The following EIF5B variants were observed in gnomAD, a reference collection of about 807,000 sequenced individuals.
EIF5B encodes eIF-5B.
A neutral mutation model predicts 147.5 loss-of-function variants in EIF5B; 47 were observed. That is an observed-to-expected ratio of 0.32 (90% CI 0.25 to 0.41). The LOEUF is 0.41. EIF5B is among the 10% of genes least tolerant of loss of function. EIF5B has a pLI of 1.00. For missense variants in EIF5B, 1,064 were observed against 1,413.2 expected (o/e 0.75, Z 3.96); for synonymous variants, 455 against 456.2 (o/e 1.00, Z 0.03).
intron 17 of EIF5B, among the ~76,000 whole-genome samples, chr2:99,391,884 A>T (rs1674944703): frequency 6.6e-6 from 1 of 151,726 alleles, no homozygotes; most frequent in Admixed American, 6.6e-5. Flanking sequence ...GGTACGCACC[A>T]CCACACCTGG....
In EIF5B at chr2:99,360,310, C is replaced by G; in HGVS notation, c.110C>G (p.Pro37Arg). ...GCTGGTGCTGCCAAAGAACAGGAGC[C>G]TCAAAAGTCAAAAGGGAAAAAGAAA... ...EGAGAAKEQEPQKSKGKKKKE... is the reference protein window; with the variant it reads ...EGAGAAKEQERQKSKGKKKKE... Residue 37 changes from proline to arginine, a missense_variant, in exon 2 of 24, where the codon CCT becomes CGT. Around this residue, in one of 4 missense-constraint regions of EIF5B, gnomAD observed 458 missense variants for 451.3 expected, o/e 1.01. Transcript: ENST00000289371. 2 of 1,611,154 alleles carry G rather than the reference C, an allele frequency of 1.2e-6. No individual in the cohort carries two copies. The highest frequency in any genetic ancestry group is 2.2e-5 in the South Asian group (2 of 90,218).
chr2:99,352,033 G>A (rs545667023), intron 1 of EIF5B, among the ~76,000 whole-genome samples: 2 of 152,074 alleles, frequency 1.3e-5, no homozygotes, highest in Non-Finnish European at 2.9e-5. Flanking sequence ...TTCCTTATTA[G>A]TGATAACATC....
At chr2:99,357,434 TTAAG>T (rs1265187151) in intron 1 of EIF5B, among the ~76,000 whole-genome samples, 1 of 152,222 alleles carries the variant, frequency 6.6e-6, no homozygotes, top group Non-Finnish European at 1.5e-5. Flanking sequence ...GTTATGAATA[TTAAG>T]TGACAGTGTA....
At chr2:99,372,993 C>T (rs1674484833) in intron 9 of EIF5B, among the ~76,000 whole-genome samples, 2 of 151,888 alleles carry the variant, frequency 1.3e-5, no homozygotes, top group African/African-American at 4.8e-5. Context: ...TTGTCTATTT[C>T]TCCTGAGTTC....
At chr2:99,376,726 C>T in intron 10 of EIF5B, 90 bp downstream of exon 10, 2 of 1,463,664 alleles carry the variant, frequency 1.4e-6, no homozygotes, top group Non-Finnish European at 1.8e-6. Flanking sequence ...TTGAACAGCA[C>T]TTTATGTATT....
chr2:99,378,871 A>T, intron 10 of EIF5B, 148 bp from the exon 11 acceptor site: 1 of 586,998 alleles, frequency 1.7e-6, no homozygotes, highest in Non-Finnish European at 2.8e-6. Context: ...TAAAGTTCAC[A>T]TTATAAATTC....
chr2:99,345,690 ATCC>A (rs772855659), intron 1 of EIF5B, among the ~76,000 whole-genome samples: 10 of 151,970 alleles, frequency 6.6e-5, no homozygotes, highest in Non-Finnish European at 1.5e-4. Flanking sequence ...CATGTCTGTA[ATCC>A]CAGCACTTTG....
chr2:99,340,478 T>A (rs2094257132), intron 1 of EIF5B, among the ~76,000 whole-genome samples: 1 of 152,222 alleles, frequency 6.6e-6, no homozygotes, highest in African/African-American at 2.4e-5. Context: ...AGGTGTGAAC[T>A]GTGTGAGAAA....
intron 6 of EIF5B, among the ~76,000 whole-genome samples, chr2:99,366,444 G>GT (rs1426857881): frequency 1.3e-5 from 2 of 151,990 alleles, no homozygotes; most frequent in Non-Finnish European, 2.9e-5. Context: ...TCTTTCTTTG[G>GT]TTTGTTTAAT....
Position 99,401,027 on chromosome 2 carries a change from A to AAAT in EIF5B, c.*1615_*1617dup, listed in dbSNP as rs1440401475. The AAAT allele has an allele frequency of 2.9e-6, 1 of 347,530 alleles. No homozygotes were observed. Among genetic ancestry groups the AAAT allele is most frequent in the African/African-American group, 2.1e-5 (1 of 48,428 alleles). 21.5% of individuals were successfully genotyped at this position (347,530 alleles called of 1,614,324 possible). A position where few individuals can be genotyped will look rare whatever the true frequency, so the allele number is the denominator to read the frequency against. ...AAAACTTTATAAACAAACATTTTGT[A>AAAT]AATAGAATCTATGCTACAGTAAAAT... On this transcript the variant is annotated 3_prime_UTR_variant, in exon 24 of 24. Coordinates refer to ENST00000289371, the MANE Select transcript of EIF5B (RefSeq NM_015904.4).
intron 14 of EIF5B, among the ~76,000 whole-genome samples, chr2:99,386,142 C>G (rs942519263): frequency 2.2e-4 from 33 of 152,188 alleles, no homozygotes; most frequent in African/African-American, 7.5e-4. Context: ...CTAGTTCCTG[C>G]ATATCTTTGC....
intron 14 of EIF5B, among the ~76,000 whole-genome samples, chr2:99,389,174 ATTGT>A (rs1351093380): frequency 9.2e-5 from 14 of 151,972 alleles, no homozygotes; most frequent in East Asian, 5.8e-4. Flanking sequence ...TATGCTTTTG[ATTGT>A]TTGTTTGGCT....
intron 1 of EIF5B, among the ~76,000 whole-genome samples, chr2:99,355,136 G>T (rs367749779): frequency 2.6e-5 from 4 of 151,944 alleles, no homozygotes; most frequent in African/African-American, 9.7e-5. Context: ...ACTGTTTTTG[G>T]GTTCTCTCTC....
intron 1 of EIF5B, among the ~76,000 whole-genome samples, chr2:99,337,945 G>A (rs1403626287): frequency 6.6e-6 from 1 of 152,260 alleles, no homozygotes; most frequent in Non-Finnish European, 1.5e-5. Context: ...GCGAGGGTGG[G>A]GAAGTTCTTT....
intron 1 of EIF5B, among the ~76,000 whole-genome samples, chr2:99,350,138 GATGA>G (rs1340235315): frequency 1.3e-5 from 2 of 152,050 alleles, no homozygotes; most frequent in African/African-American, 4.8e-5. Context: ...CTTTTTTATG[GATGA>G]ATAGTATTCA....
At position 99,394,275 on chromosome 2, in the gene EIF5B, G is replaced by T; in HGVS notation, c.2889G>T (p.Leu963Phe). 6.2e-7 allele frequency: 1 copy of T among 1,608,482 alleles called. No homozygotes were observed. The highest frequency in any genetic ancestry group is 1.1e-5 in the South Asian group (1 of 90,574). Residue 963 changes from leucine (L) to phenylalanine (F), a missense_variant, in exon 19 of 24, where the codon TTG (leucine) becomes TTT (phenylalanine). By Grantham distance (22) the Leu-to-Phe change is conservative (BLOSUM62 0). Transcript: ENST00000289371. ...EDEIPVLKDE[L>F]IHELKQTLNA... is the part of the protein sequence containing the mutation. ...TCTGATTTCTTTTCAAGGATGAATTGATCCATGAGTTAAAGCAGACACTAA... is the reference window on the plus strand; with the variant it reads ...TCTGATTTCTTTTCAAGGATGAATTTATCCATGAGTTAAAGCAGACACTAA...
Position 99,394,239 on chromosome 2 carries a change from A to G in EIF5B, c.2881-28A>G, listed in dbSNP as rs531224214. On this transcript the variant is annotated intron_variant, in intron 18 of 23. Coordinates refer to ENST00000289371, the MANE Select transcript of EIF5B (RefSeq NM_015904.4). ...TGCTGAGGATAGAGGTGTGTTGACA[A>G]CCTTATCAAATCTGATTTCTTTTCA... 15 of 1,594,554 alleles carry G rather than the reference A, an allele frequency of 9.4e-6. No individual in the cohort carries two copies. The South Asian group carries it at 1.1e-4, about 12-fold the overall frequency.
chr2:99,364,982 G>C (rs1367593630), intron 6 of EIF5B, among the ~76,000 whole-genome samples: 1 of 152,036 alleles, frequency 6.6e-6, no homozygotes, highest in Non-Finnish European at 1.5e-5. Flanking sequence ...AAGAGCTTTT[G>C]TTCCTTTTAG....
chr2:99,397,699 T>G (rs1252217999), intron 22 of EIF5B: 12 of 152,218 alleles, frequency 7.9e-5, no homozygotes, highest in Non-Finnish European at 1.6e-4. Context: ...ACCATCTCCA[T>G]TAGAAACTTG....
Sources: gnomAD v4.1 joint callset for allele counts (sites outside exome capture counted in the v4.1 genomes callset) on GRCh38, gnomAD v4.1.1 for gene constraint, gnomAD v4.1.1 regional missense constraint, MANE v1.5 for transcripts, NCBI Gene and HGNC (gene_info 2026-07-23, HGNC 2026-07-21) for gene names.